FBP2: variants seen among roughly 807,000 people sequenced by gnomAD.
The protein encoded by FBP2 is fructose-1,6-bisphosphatase isozyme 2.
In FBP2, 27 loss-of-function variants were observed where a neutral mutation model predicts 31.6. The ratio of observed to expected loss-of-function variants is 0.85; its 90% CI spans 0.63 to 1.18. FBP2 has a LOEUF of 1.18. Among genes scored for constraint, FBP2 ranks in the 50% most tolerant of loss-of-function variants. The pLI, the probability that FBP2 is intolerant of heterozygous loss-of-function variation, is 0.00. For synonymous variants in FBP2, 168 were observed against 179.8 expected (o/e 0.93, Z 0.53); for missense variants, 421 against 436.1 (o/e 0.97, Z 0.31).
intron 1 of FBP2, among the ~76,000 whole-genome samples, chr9:94,589,366 G>A (rs893676455): frequency 6.6e-6 from 1 of 151,992 alleles, no homozygotes; most frequent in Admixed American, 6.6e-5. Flanking sequence ...TCTCTGGGAC[G>A]CCTCCCTGGT....
rs770942662 is a variant in FBP2 at position 94,559,171 on chromosome 9, T to G, written c.826-39A>C. 3 of 1,574,662 alleles carry G rather than the reference T, an allele frequency of 1.9e-6. No homozygotes were observed. In the South Asian group the frequency reaches 3.4e-5, roughly 18 times the overall value. On this transcript the variant is annotated intron_variant, in intron 6 of 6. Coordinates refer to ENST00000375337, the MANE Select transcript of FBP2 (RefSeq NM_003837.4). ...GAGGCAGGTGAGTAAACTCTGCAAG[T>G]GGCCAAATGTCCCGAGCCATGCCCC...
At chr9:94,591,392 A>G (rs960798276) in intron 1 of FBP2, among the ~76,000 whole-genome samples, 27 of 152,344 alleles carry the variant, frequency 1.8e-4, no homozygotes, top group East Asian at 1.2e-3. Flanking sequence ...CCCGGGTGCT[A>G]AGTCCCCCAT....
chr9:94,587,751 G>A (rs771064654), intron 1 of FBP2, among the ~76,000 whole-genome samples: 2 of 152,178 alleles, frequency 1.3e-5, no homozygotes, highest in Non-Finnish European at 2.9e-5. Context: ...CGAGGAGATG[G>A]AGCAGATGGG....
At chr9:94,590,995 G>A (rs888515559) in intron 1 of FBP2, among the ~76,000 whole-genome samples, 1 of 152,206 alleles carries the variant, frequency 6.6e-6, no homozygotes, top group East Asian at 1.9e-4. Flanking sequence ...CTAAACACAG[G>A]GTGCTGATTG....
intron 3 of FBP2, 22 bp from the exon 4 acceptor site, chr9:94,571,624 G>T (rs145254842): frequency 6.2e-7 from 1 of 1,601,078 alleles, no homozygotes; most frequent in African/African-American, 1.3e-5. Context: ...AGGGATAAAT[G>T]CCATGTGTTA....
In FBP2 at chr9:94,567,714, GAACC is replaced by G. The variant is rs1827212124; in HGVS notation, c.568-311_568-308del. On this transcript the variant is annotated intron_variant, in intron 4 of 6. Coordinates refer to ENST00000375337, the MANE Select transcript of FBP2 (RefSeq NM_003837.4). Reference sequence around the variant, plus strand: ...GTCAGTGAGGCTCCTCATTTATGGTGAACCCAACTGTGTGTATCTCCCAAGTTCT... The same window carrying G: ...GTCAGTGAGGCTCCTCATTTATGGTGCAACTGTGTGTATCTCCCAAGTTCT... The G allele has an allele frequency of 1.6e-5, 5 of 303,880 alleles. No homozygotes were observed. In the South Asian group the frequency reaches 3.9e-4, roughly 24 times the overall value. The allele number at this position is 303,880 out of a possible 1,614,324, so 18.8% of individuals were successfully genotyped here. A position where few individuals can be genotyped will look rare whatever the true frequency, so the allele number is the denominator to read the frequency against.
intron 1 of FBP2, among the ~76,000 whole-genome samples, chr9:94,590,925 C>T (rs371218768): frequency 0.029 from 4,421 of 152,286 alleles, 145 homozygotes; most frequent in African/African-American, 0.098. Context: ...ACAGGTTCTC[C>T]AAGGCCCCAC....
chr9:94,579,265 C>G (rs1333101376), intron 3 of FBP2, among the ~76,000 whole-genome samples: 17 of 134,182 alleles, frequency 1.3e-4, no homozygotes, highest in East Asian at 7.1e-4. Context: ...GGGCGTGGTG[C>G]CGGGCGCCTG....
intron 6 of FBP2, 120 bp from the exon 7 acceptor site, chr9:94,559,252 A>C: frequency 1.3e-6 from 1 of 792,070 alleles, no homozygotes. Flanking sequence ...GCATGAGCGC[A>C]CCATGCACCT....
At chr9:94,588,147 G>C (rs1034191050) in intron 1 of FBP2, among the ~76,000 whole-genome samples, 2 of 152,106 alleles carry the variant, frequency 1.3e-5, no homozygotes, top group East Asian at 1.9e-4. Context: ...CACCATGCCC[G>C]GCCAAGCCCT....
chr9:94,564,091 G>A (rs1417195670), intron 5 of FBP2, among the ~76,000 whole-genome samples: 5 of 152,106 alleles, frequency 3.3e-5, no homozygotes, highest in African/African-American at 4.8e-5. Flanking sequence ...GAAAATTAAC[G>A]AAGATACTCA....
At chr9:94,573,766 A>G (rs777144933) in intron 3 of FBP2, among the ~76,000 whole-genome samples, 1 of 152,168 alleles carries the variant, frequency 6.6e-6, no homozygotes, top group African/African-American at 2.4e-5. Flanking sequence ...ATTGATAAGG[A>G]ATATTGGTCT....
intron 3 of FBP2, among the ~76,000 whole-genome samples, chr9:94,581,260 T>G (rs1388639747): frequency 6.6e-6 from 1 of 152,266 alleles, no homozygotes; most frequent in African/African-American, 2.4e-5. Flanking sequence ...GCCAGTCTTA[T>G]GGGATCAAAT....
chr9:94,565,385 A>AG (rs1554745858), intron 5 of FBP2, among the ~76,000 whole-genome samples: 1 of 134,916 alleles, frequency 7.4e-6, no homozygotes. Flanking sequence ...AAAAAAAAAA[A>AG]AGATGTTCCC....
chr9:94,562,332 A>G (rs553298500), intron 6 of FBP2, among the ~76,000 whole-genome samples: 6 of 140,190 alleles, frequency 4.3e-5, no homozygotes, highest in African/African-American at 1.5e-4. Flanking sequence ...AAAAAAAAAA[A>G]GAATGTCCAT....
chr9:94,590,202 G>A (rs1042736108), intron 1 of FBP2, among the ~76,000 whole-genome samples: 3 of 152,156 alleles, frequency 2.0e-5, no homozygotes, highest in Admixed American at 6.5e-5. Context: ...GGGCTCTCTA[G>A]CCCGTAGGAC....
In FBP2 at chr9:94,567,400, C is replaced by G; in HGVS notation, c.575G>C (p.Gly192Ala). The change falls in exon 5 of 7, where the codon GGT becomes GCT. Residue 192 changes from glycine (G) to alanine (A), a missense_variant. Coordinates refer to ENST00000375337, the MANE Select transcript of FBP2 (RefSeq NM_003837.4). ...ATCTTTTTCCACCAGGACAAATTCA[C>G]CAAGAGCCTAGCAACATGAAGAGAG... The part of the protein sequence containing the change: ...VDLFMLDPAL[G>A]EFVLVEKDVK... 1.2e-6 allele frequency: 2 copies of G among 1,614,020 alleles called. No individual in the cohort carries two copies. Among genetic ancestry groups the G allele is most frequent in the Non-Finnish European group, 1.7e-6 (2 of 1,180,020 alleles).
intron 6 of FBP2, among the ~76,000 whole-genome samples, chr9:94,560,759 T>C (rs1298321185): frequency 6.7e-6 from 1 of 148,184 alleles, no homozygotes; most frequent in Non-Finnish European, 1.5e-5. Context: ...TATATATTTA[T>C]ATAATGTTAT....
At chr9:94,572,471 A>G (rs983945123) in intron 3 of FBP2, among the ~76,000 whole-genome samples, 3 of 152,164 alleles carry the variant, frequency 2.0e-5, no homozygotes, top group African/African-American at 7.2e-5. Flanking sequence ...GTAAACCCGA[A>G]TGTTCTTGCC....
Sources: allele counts gnomAD v4.1 joint callset (sites outside exome capture counted in the v4.1 genomes callset), GRCh38; gene constraint gnomAD v4.1.1; transcripts MANE v1.5; gene names NCBI Gene and HGNC (gene_info 2026-07-23, HGNC 2026-07-21).